The following CENPP variants were observed in gnomAD, a reference collection of about 807,000 sequenced individuals.
CENPP encodes the protein centromere protein P.
Under a neutral mutation model 35.6 loss-of-function variants are expected in CENPP, and 24 were observed. The observed-to-expected ratio is 0.67, with a 90% CI of 0.49 to 0.95. The LOEUF is 0.95. CENPP is among the 40% of genes least tolerant of loss of function. CENPP has a pLI of 0.00. For missense variants in CENPP, 332 were observed against 345.3 expected, an observed-to-expected ratio of 0.96 and a Z score of 0.31; for synonymous variants, 120 against 125.5, an observed-to-expected ratio of 0.96 and a Z score of 0.29.
At position 92,619,616 on chromosome 9, in the gene CENPP, C is replaced by A. The variant is rs762465593; in HGVS notation, c.*6467C>A. 45 of 1,451,710 alleles carry A rather than the reference C, an allele frequency of 3.1e-5. No homozygotes were observed. The highest frequency in any genetic ancestry group is 4.2e-5 in the Non-Finnish European group (44 of 1,057,128). The allele number at this position is 1,451,710 out of a possible 1,614,324, so 89.9% of individuals were successfully genotyped here. On this transcript the variant is annotated 3_prime_UTR_variant, in exon 8 of 8. Coordinates refer to ENST00000375587, the MANE Select transcript of CENPP (RefSeq NM_001012267.3). ...CAGGTCACACAGGAAGCCTCTGCCC[C>A]CCCACACAACCTTCCTTCCCAGTAG...
intron 5 of CENPP, among the ~76,000 whole-genome samples, chr9:92,466,131 C>T (rs1187497747): frequency 6.6e-6 from 1 of 152,006 alleles, no homozygotes; most frequent in Non-Finnish European, 1.5e-5. Context: ...CCAGGCCTGG[C>T]CTCAAAGGAG....
chr9:92,458,159 A>G lies in CENPP; in HGVS notation c.564+78300A>G, dbSNP rs139641085. ...AGTCACAATTTTACAGGCCGTGTAC[A>G]TGTCTTTTTAAATTAAATTCTTACT... On this transcript the variant is annotated intron_variant, in intron 5 of 7. Coordinates refer to ENST00000375587, the MANE Select transcript of CENPP (RefSeq NM_001012267.3). Among the ~76,000 whole-genome samples the G allele has an allele frequency of 5.3e-3, 813 of 152,374 alleles. 6 individuals carry two copies. The highest frequency in any genetic ancestry group is 0.019 in the African/African-American group (788 of 41,584).
chr9:92,517,867 C>T (rs754400437), intron 5 of CENPP: 2 of 1,613,798 alleles, frequency 1.2e-6, no homozygotes, highest in African/African-American at 2.7e-5. Context: ...AAACAGTGTC[C>T]CTTCTTTCCT....
At chr9:92,553,389 G>T (rs373098813) in intron 5 of CENPP, among the ~76,000 whole-genome samples, 3 of 152,100 alleles carry the variant, frequency 2.0e-5, no homozygotes, top group Non-Finnish European at 2.9e-5. Context: ...GGCTATGCGG[G>T]CTCTTTTTTG....
At chr9:92,444,778 G>A (rs867394762) in intron 5 of CENPP, among the ~76,000 whole-genome samples, 2 of 152,146 alleles carry the variant, frequency 1.3e-5, no homozygotes, top group African/African-American at 2.4e-5. Flanking sequence ...GGGAGAGGGC[G>A]TGTGCAAGCT....
At chr9:92,461,119 T>G (rs1395167899) in intron 5 of CENPP, among the ~76,000 whole-genome samples, 1 of 152,200 alleles carries the variant, frequency 6.6e-6, no homozygotes, top group African/African-American at 2.4e-5. Context: ...TCTTAATTAT[T>G]TATTGATCTG....
At chr9:92,575,614 C>T (rs1850262320) in intron 5 of CENPP, among the ~76,000 whole-genome samples, 1 of 152,108 alleles carries the variant, frequency 6.6e-6, no homozygotes, top group Admixed American at 6.5e-5. Flanking sequence ...GAGTTCAAGA[C>T]CAGCCTGGCC....
At chr9:92,578,006 G>T (rs1253775817) in intron 5 of CENPP, among the ~76,000 whole-genome samples, 1 of 135,250 alleles carries the variant, frequency 7.4e-6, no homozygotes. Flanking sequence ...GTGTCCATGT[G>T]TTCTCATTGT....
intron 5 of CENPP, chr9:92,496,065 C>T: frequency 9.1e-7 from 1 of 1,100,882 alleles, no homozygotes; most frequent in Non-Finnish European, 1.1e-6. Flanking sequence ...GCATAATATC[C>T]TATTCTAGTG....
At chr9:92,523,449 T>G (rs331372) in intron 5 of CENPP, among the ~76,000 whole-genome samples, 152,103 of 152,250 alleles carry the variant, frequency 1, 75,978 homozygotes, top group East Asian at 1. Flanking sequence ...CCCAAAGCCC[T>G]GTGGCAACAA....
intron 5 of CENPP, among the ~76,000 whole-genome samples, chr9:92,547,175 A>C (rs1425779155): frequency 6.6e-6 from 1 of 152,246 alleles, no homozygotes; most frequent in Admixed American, 6.5e-5. Context: ...TTTTGATAAA[A>C]TTCAACAGCC....
chr9:92,560,416 A>T (rs1266771657), intron 5 of CENPP, among the ~76,000 whole-genome samples: 1 of 152,128 alleles, frequency 6.6e-6, no homozygotes, highest in East Asian at 1.9e-4. Context: ...CCCAGTTTCC[A>T]TCCTTTTGGA....
chr9:92,538,716 C>T (rs1302217799), intron 5 of CENPP, among the ~76,000 whole-genome samples: 1 of 152,064 alleles, frequency 6.6e-6, no homozygotes, highest in Non-Finnish European at 1.5e-5. Context: ...TTTCTCCTAC[C>T]CCCTTTATTA....
intron 5 of CENPP, among the ~76,000 whole-genome samples, chr9:92,539,337 T>G (rs1849262483): frequency 6.8e-6 from 1 of 147,816 alleles, no homozygotes. Context: ...TCTCCCGCCT[T>G]CCCCCGCTCC....
In CENPP at chr9:92,325,972, C is replaced by G; in HGVS notation, c.-27C>G. 5 of 1,537,072 alleles carry G rather than the reference C, an allele frequency of 3.3e-6. No homozygotes were observed. The highest frequency in any genetic ancestry group is 1.2e-5 in the South Asian group (1 of 83,716). ...CAGGTCGGAGTGACAGCTGCGCTGC[C>G]GGCCCGGCTGCGGTCAGCAACGCGC... On this transcript the variant is annotated 5_prime_UTR_variant, in exon 1 of 8. Coordinates refer to ENST00000375587, the MANE Select transcript of CENPP (RefSeq NM_001012267.3).
intron 5 of CENPP, chr9:92,401,216 C>T: frequency 1.1e-6 from 1 of 940,654 alleles, no homozygotes; most frequent in Non-Finnish European, 1.7e-6. Context: ...TGTTACCTAG[C>T]TTCATTAAGT....
chr9:92,597,054 G>T (rs1177925660), intron 5 of CENPP, among the ~76,000 whole-genome samples: 1 of 152,090 alleles, frequency 6.6e-6, no homozygotes, highest in Non-Finnish European at 1.5e-5. Context: ...AACTTGACCT[G>T]TATACTGCAA....
chr9:92,392,085 A>T (rs933956564), intron 5 of CENPP, among the ~76,000 whole-genome samples: 3 of 151,990 alleles, frequency 2.0e-5, no homozygotes, highest in African/African-American at 7.2e-5. Context: ...GTGATCTAGG[A>T]CTGGGATTTG....
chr9:92,542,394 T>C (rs1246950793), intron 5 of CENPP, among the ~76,000 whole-genome samples: 1 of 152,252 alleles, frequency 6.6e-6, no homozygotes, highest in Non-Finnish European at 1.5e-5. Flanking sequence ...CTTAATTTGA[T>C]GTAATCTCAT....
Sources: allele counts gnomAD v4.1 joint callset (sites outside exome capture counted in the v4.1 genomes callset), GRCh38; gene constraint gnomAD v4.1.1; transcripts MANE v1.5; gene names NCBI Gene and HGNC (gene_info 2026-07-23, HGNC 2026-07-21).